The following NCOA1 variants were observed in gnomAD, a reference collection of about 807,000 sequenced individuals.
The protein encoded by NCOA1 is nuclear receptor coactivator 1.
Under a neutral mutation model 150.9 loss-of-function variants are expected in NCOA1, and 35 were observed. The observed-to-expected ratio is 0.23, with a 90% CI of 0.18 to 0.31. The LOEUF (loss-of-function observed/expected upper bound fraction) is 0.31. Among genes scored for constraint, NCOA1 ranks in the 10% least tolerant of loss-of-function variants. The probability of loss-of-function intolerance (pLI) is 1.00; values close to 1 mark genes in which losing one functional copy is unlikely to be tolerated. For synonymous variants in NCOA1, 590 were observed against 630.0 expected (o/e 0.94, Z 0.95); for missense variants, 1,491 against 1,749.3 (o/e 0.85, Z 2.63).
chr2:24,596,580 T>A (rs1466087416), intron 3 of NCOA1, among the ~76,000 whole-genome samples: 1 of 152,156 alleles, frequency 6.6e-6, no homozygotes, highest in East Asian at 1.9e-4. Flanking sequence ...AGTGATTTTT[T>A]AAATGTTTTA....
At chr2:24,751,495 A>G (rs1452685315) in intron 19 of NCOA1, among the ~76,000 whole-genome samples, 1 of 151,584 alleles carries the variant, frequency 6.6e-6, no homozygotes, top group African/African-American at 2.4e-5. Context: ...AGGCAGGAGA[A>G]TTGCTTGAAC....
At chr2:24,687,339 A>G (rs993218819) in intron 8 of NCOA1, among the ~76,000 whole-genome samples, 1 of 152,146 alleles carries the variant, frequency 6.6e-6, no homozygotes, top group Non-Finnish European at 1.5e-5. Flanking sequence ...AAGCCAAGCT[A>G]TAAACAAAAA....
intron 3 of NCOA1, among the ~76,000 whole-genome samples, chr2:24,629,809 CATACATACATATATATATATAT>C (rs1669607269): frequency 3.1e-5 from 3 of 97,362 alleles, no homozygotes; most frequent in East Asian, 2.7e-4. Context: ...TTTTAAGTAA[CATACATACATATATATATATAT>C]ATATATATAT....
intron 4 of NCOA1, among the ~76,000 whole-genome samples, chr2:24,657,423 G>A (rs1250619354): frequency 6.6e-6 from 1 of 152,134 alleles, no homozygotes; most frequent in Non-Finnish European, 1.5e-5. Context: ...TTAGAAATGA[G>A]TAAAAGAGAA....
chr2:24,725,012 T>G (rs1232408466), intron 14 of NCOA1, among the ~76,000 whole-genome samples: 3 of 152,176 alleles, frequency 2.0e-5, no homozygotes, highest in African/African-American at 7.2e-5. Flanking sequence ...TGTAATTATA[T>G]ACATTTAAAA....
chr2:24,629,000 GAATA>G (rs1479446895), intron 3 of NCOA1, among the ~76,000 whole-genome samples: 1 of 152,070 alleles, frequency 6.6e-6, no homozygotes, highest in African/African-American at 2.4e-5. Flanking sequence ...CTTGGTGATT[GAATA>G]AATAAAGTGT....
At chr2:24,704,075 A>G (rs1673293906) in intron 11 of NCOA1, among the ~76,000 whole-genome samples, 1 of 152,212 alleles carries the variant, frequency 6.6e-6, no homozygotes, top group East Asian at 1.9e-4. Context: ...AAATTATGCT[A>G]CTTATAAAGT....
chr2:24,704,515 G>A (rs1014401391), intron 11 of NCOA1, among the ~76,000 whole-genome samples: 2 of 152,136 alleles, frequency 1.3e-5, no homozygotes, highest in South Asian at 2.1e-4. Flanking sequence ...GGTGGCTTAC[G>A]CCTGTAATCA....
chr2:24,584,765 C>G (rs192354742), intron 3 of NCOA1, among the ~76,000 whole-genome samples: 23 of 121,704 alleles, frequency 1.9e-4, no homozygotes, highest in African/African-American at 5.3e-4. Flanking sequence ...CACAAACATT[C>G]ACACATGTTC....
chr2:24,610,322 T>G (rs1668566340), intron 3 of NCOA1, among the ~76,000 whole-genome samples: 1 of 151,820 alleles, frequency 6.6e-6, no homozygotes, highest in African/African-American at 2.4e-5. Context: ...TTCTTTTTTT[T>G]AGTAGAGACA....
intron 1 of NCOA1, among the ~76,000 whole-genome samples, chr2:24,495,917 C>T (rs1310748536): frequency 6.6e-6 from 1 of 152,156 alleles, no homozygotes; most frequent in Non-Finnish European, 1.5e-5. Flanking sequence ...ACATTAATGA[C>T]TAACAGGTAT....
At chr2:24,582,986 C>T (rs1275476692) in intron 2 of NCOA1, among the ~76,000 whole-genome samples, 1 of 152,014 alleles carries the variant, frequency 6.6e-6, no homozygotes, top group Non-Finnish European at 1.5e-5. Flanking sequence ...ATCTGAAATG[C>T]TTCAGGATAT....
At chr2:24,645,420 G>T (rs1388669431) in intron 4 of NCOA1, among the ~76,000 whole-genome samples, 1 of 150,258 alleles carries the variant, frequency 6.7e-6, no homozygotes, top group African/African-American at 2.5e-5. Context: ...GGAGAATGGC[G>T]AATGGCGTGA....
chr2:24,719,028 CAAAAAAAAAAAAAAAAAAA>C (rs59556004), intron 14 of NCOA1, among the ~76,000 whole-genome samples: 1 of 34,456 alleles, frequency 2.9e-5, no homozygotes, highest in African/African-American at 1.3e-4. Context: ...GACTCTGTCC[CAAAAAAAAAAAAAAAAAAA>C]AAAAAAAACC....
At chr2:24,571,868 A>G (rs937625637) in intron 2 of NCOA1, among the ~76,000 whole-genome samples, 9 of 152,080 alleles carry the variant, frequency 5.9e-5, no homozygotes, top group African/African-American at 1.9e-4. Context: ...ATTTTTTATT[A>G]TATTTCTCTC....
At chr2:24,497,334 T>G (rs1663264416) in intron 1 of NCOA1, among the ~76,000 whole-genome samples, 2 of 152,112 alleles carry the variant, frequency 1.3e-5, no homozygotes, top group Non-Finnish European at 2.9e-5. Flanking sequence ...TGTTCCTTTC[T>G]GATGACCCGG....
intron 14 of NCOA1, among the ~76,000 whole-genome samples, chr2:24,725,727 G>A (rs2384040): frequency 8.3e-5 from 5 of 60,270 alleles, no homozygotes; most frequent in South Asian, 6.3e-4. Flanking sequence ...GTGTGTGTGT[G>A]TGTGTGTGTG....
intron 3 of NCOA1, among the ~76,000 whole-genome samples, chr2:24,624,175 A>G (rs1669299448): frequency 6.6e-6 from 1 of 151,970 alleles, no homozygotes; most frequent in Non-Finnish European, 1.5e-5. Context: ...TGCAGTAAAG[A>G]AAAAAAATGG....
intron 2 of NCOA1, among the ~76,000 whole-genome samples, chr2:24,570,329 A>G (rs1666695091): frequency 6.6e-6 from 1 of 152,234 alleles, no homozygotes; most frequent in Non-Finnish European, 1.5e-5. Context: ...TAGGGTTGTT[A>G]CAACTCAGGT....
Sources: gnomAD v4.1 joint callset for allele counts (sites outside exome capture counted in the v4.1 genomes callset) on GRCh38, gnomAD v4.1.1 for gene constraint, MANE v1.5 for transcripts, NCBI Gene and HGNC (gene_info 2026-07-23, HGNC 2026-07-21) for gene names.